The following PHLDB2 variants were observed in gnomAD, a reference collection of about 807,000 sequenced individuals.
PHLDB2 encodes pleckstrin homology-like domain family B member 2.
PHLDB2 carries 71 observed loss-of-function variants against 123.6 expected under a neutral mutation model. The observed-to-expected ratio is 0.57, with a 90% CI of 0.47 to 0.70. The LOEUF (loss-of-function observed/expected upper bound fraction) is 0.70, where lower values mean the gene tolerates loss of function less well. Ranked by LOEUF, PHLDB2 falls within the 30% of genes least tolerant of loss-of-function variation. The probability of loss-of-function intolerance (pLI) is 0.00; values close to 1 mark genes in which losing one functional copy is unlikely to be tolerated. For missense variants in PHLDB2, 1,446 were observed against 1,519.5 expected, an observed-to-expected ratio of 0.95 and a Z score of 0.80; for synonymous variants, 547 against 541.6, an observed-to-expected ratio of 1.01 and a Z score of -0.14.
chr3:111,817,332 T>C (rs761165330), intron 1 of PHLDB2, among the ~76,000 whole-genome samples: 1 of 152,192 alleles, frequency 6.6e-6, no homozygotes, highest in African/African-American at 2.4e-5. Flanking sequence ...CACAGCAACA[T>C]CTTATGTTGC....
intron 2 of PHLDB2, among the ~76,000 whole-genome samples, chr3:111,895,872 C>CAAT (rs199501274): frequency 6.9e-6 from 1 of 145,582 alleles, no homozygotes; most frequent in African/African-American, 2.5e-5. Context: ...ATCTATCTAT[C>CAAT]CATCTATCTA....
Position 111,966,613 on chromosome 3 carries a change from T to C in PHLDB2, c.3078T>C (p.Ser1026=). The C allele has an allele frequency of 2.5e-6, 4 of 1,611,684 alleles. No homozygotes were observed. Among genetic ancestry groups the C allele is most frequent in the Non-Finnish European group, 3.4e-6 (4 of 1,178,606 alleles). The change falls in exon 14 of 18, where the codon AGT becomes AGC. Residue 1026 remains serine (S), a splice_region_variant and synonymous_variant. Coordinates refer to ENST00000431670, the MANE Select transcript of PHLDB2 (RefSeq NM_001134438.2). The part of the protein sequence containing the change: ...ISACSPDNIS[S]ASTSNIARIE... Reference sequence around the variant, plus strand: ...CAAAAGGCTTTGGTGTTTCATTCAGTGCCAGCACTTCAAATATTGCTAGAA... The same window carrying C: ...CAAAAGGCTTTGGTGTTTCATTCAGCGCCAGCACTTCAAATATTGCTAGAA...
intron 15 of PHLDB2, among the ~76,000 whole-genome samples, chr3:111,968,481 T>G (rs16858964): frequency 6.6e-6 from 1 of 152,142 alleles, no homozygotes; most frequent in African/African-American, 2.4e-5. Context: ...TTCTTGTCAC[T>G]ATAGCTGCTT....
intron 1 of PHLDB2, among the ~76,000 whole-genome samples, chr3:111,747,071 C>T (rs993155979): frequency 2.0e-5 from 3 of 152,120 alleles, no homozygotes; most frequent in Non-Finnish European, 2.9e-5. Context: ...ATTTTAACTT[C>T]TGTGCAAAAT....
intron 3 of PHLDB2, chr3:111,915,210 G>A (rs1318000627): frequency 6.6e-6 from 1 of 152,108 alleles, no homozygotes; most frequent in African/African-American, 2.4e-5. Flanking sequence ...AGGACACATT[G>A]ACTCTTTAAG....
intron 1 of PHLDB2, among the ~76,000 whole-genome samples, chr3:111,874,916 T>TA (rs1452604678): frequency 2.6e-5 from 4 of 152,166 alleles, no homozygotes; most frequent in Non-Finnish European, 5.9e-5. Flanking sequence ...AGCTACATTC[T>TA]AAAAAACAAG....
chr3:111,739,019 C>A (rs1485655705), intron 1 of PHLDB2, among the ~76,000 whole-genome samples: 1 of 152,136 alleles, frequency 6.6e-6, no homozygotes, highest in Non-Finnish European at 1.5e-5. Flanking sequence ...TTCTCATTTT[C>A]AAAATGGAGG....
At chr3:111,966,815 A>T in intron 14 of PHLDB2, 112 bp downstream of exon 14, 2 of 739,564 alleles carry the variant, frequency 2.7e-6, no homozygotes, top group Non-Finnish European at 4.5e-6. Context: ...GGAATAAATC[A>T]CTCAACCTTT....
intron 1 of PHLDB2, among the ~76,000 whole-genome samples, chr3:111,812,159 T>C (rs1007457029): frequency 8.5e-5 from 13 of 152,228 alleles, no homozygotes; most frequent in Non-Finnish European, 1.6e-4. Flanking sequence ...GCAGACAGAT[T>C]TTTGTTTTAC....
intron 1 of PHLDB2, among the ~76,000 whole-genome samples, chr3:111,758,603 G>A (rs1434136355): frequency 4.6e-5 from 7 of 152,136 alleles, no homozygotes; most frequent in African/African-American, 7.2e-5. Context: ...CAGTGTGCGC[G>A]CACCCACTGA....
intron 1 of PHLDB2, among the ~76,000 whole-genome samples, chr3:111,874,573 G>C (rs1256237275): frequency 2.6e-5 from 4 of 152,298 alleles, no homozygotes; most frequent in Non-Finnish European, 5.9e-5. Flanking sequence ...GATGAGGCTA[G>C]TTGTCCTAGC....
chr3:111,945,020 C>T (rs1421965657), intron 8 of PHLDB2, among the ~76,000 whole-genome samples: 2 of 152,112 alleles, frequency 1.3e-5, no homozygotes, highest in Non-Finnish European at 2.9e-5. Context: ...TTAAATGACT[C>T]TATAAAATTT....
chr3:111,821,801 C>A (rs988032721), intron 1 of PHLDB2, among the ~76,000 whole-genome samples: 1 of 152,106 alleles, frequency 6.6e-6, no homozygotes, highest in Non-Finnish European at 1.5e-5. Context: ...AAAAATAAGA[C>A]GTTGTTTGCC....
chr3:111,904,559 C>G (rs1453234549), intron 2 of PHLDB2, among the ~76,000 whole-genome samples: 2 of 152,094 alleles, frequency 1.3e-5, no homozygotes, highest in African/African-American at 4.8e-5. Context: ...TGAGCATTAG[C>G]AGCTTCTTGG....
chr3:111,932,166 G>T lies in PHLDB2; in HGVS notation c.2002-103G>T, dbSNP rs913012551. 1.6e-5 allele frequency: 20 copies of T among 1,254,588 alleles called. No individual in the cohort carries two copies. The East Asian group carries it at 4.4e-4, about 28-fold the overall frequency. 77.7% of individuals were successfully genotyped at this position (1,254,588 alleles called of 1,614,324 possible). A position where few individuals can be genotyped will look rare whatever the true frequency, so the allele number is the denominator to read the frequency against. On this transcript the variant is annotated intron_variant, in intron 5 of 17. Transcript: ENST00000431670. Reference sequence around the variant, plus strand: ...TTTCTACATTCATAGATTGTCCAGAGTTTGTGTATGTTTGTTTATGTTATC... The same window carrying T: ...TTTCTACATTCATAGATTGTCCAGATTTTGTGTATGTTTGTTTATGTTATC...
intron 1 of PHLDB2, among the ~76,000 whole-genome samples, chr3:111,806,213 T>C (rs2061581699): frequency 6.6e-6 from 1 of 152,170 alleles, no homozygotes; most frequent in Admixed American, 6.5e-5. Context: ...ATTGTAAGTG[T>C]ACAATTATAG....
chr3:111,747,575 C>G (rs1454710852), intron 1 of PHLDB2, among the ~76,000 whole-genome samples: 3 of 152,156 alleles, frequency 2.0e-5, no homozygotes, highest in East Asian at 3.9e-4. Flanking sequence ...GTTGGCCCAG[C>G]TTCCTTGACT....
At chr3:111,959,838 G>A (rs920860132) in intron 12 of PHLDB2, among the ~76,000 whole-genome samples, 1 of 152,182 alleles carries the variant, frequency 6.6e-6, no homozygotes, top group Admixed American at 6.6e-5. Flanking sequence ...CAAGATGGTG[G>A]TAATTGCTTC....
rs532244273 is a variant in PHLDB2, at chr3:111,862,032, G to A, written c.-15+2456G>A. On this transcript the variant is annotated intron_variant, in intron 1 of 17. Coordinates refer to ENST00000431670, the MANE Select transcript of PHLDB2 (RefSeq NM_001134438.2). ...AATTTTTCTATTTTTAGTAGTGACA[G>A]GATTTTGCCATGTTGGTCAGGCTGG... 5.3e-5 allele frequency among the ~76,000 whole-genome samples: 8 copies of A among 152,256 alleles called. No homozygotes were observed. The South Asian group carries it at 1.7e-3, about 32-fold the overall frequency.
Sources: gnomAD v4.1 joint callset for allele counts (sites outside exome capture counted in the v4.1 genomes callset) on GRCh38, gnomAD v4.1.1 for gene constraint, MANE v1.5 for transcripts, NCBI Gene and HGNC (gene_info 2026-07-23, HGNC 2026-07-21) for gene names.